SGPP2: variants seen among roughly 807,000 people sequenced by gnomAD.
SGPP2 encodes sphingosine 1-phosphate phosphohydrolase 2.
In SGPP2, 30 loss-of-function variants were observed where a neutral mutation model predicts 33.9. That is an observed-to-expected ratio of 0.89 (90% CI 0.66 to 1.20). The LOEUF is 1.20. SGPP2 is among the 50% of genes most tolerant of loss of function. The pLI is 0.00. For synonymous variants in SGPP2, 233 were observed against 225.0 expected, an observed-to-expected ratio of 1.04 and a Z score of -0.32; for missense variants, 458 against 532.1, an observed-to-expected ratio of 0.86 and a Z score of 1.37.
intron 2 of SGPP2, among the ~76,000 whole-genome samples, chr2:222,488,040 A>C (rs1279563713): frequency 6.6e-6 from 1 of 152,212 alleles, no homozygotes; most frequent in Non-Finnish European, 1.5e-5. Context: ...ATTCAGGTGC[A>C]TCAGCCTTAC....
At chr2:222,432,759 C>T (rs747626026) in intron 1 of SGPP2, among the ~76,000 whole-genome samples, 5 of 152,116 alleles carry the variant, frequency 3.3e-5, no homozygotes, top group Admixed American at 6.5e-5. Flanking sequence ...CGGTGGCTCA[C>T]GCCTGTAATC....
At chr2:222,536,056 T>C (rs1698911103) in intron 4 of SGPP2, among the ~76,000 whole-genome samples, 1 of 152,182 alleles carries the variant, frequency 6.6e-6, no homozygotes, top group African/African-American at 2.4e-5. Context: ...TCTAGGTGAG[T>C]TCCAGTTTCG....
intron 1 of SGPP2, among the ~76,000 whole-genome samples, chr2:222,459,258 C>T (rs1413561952): frequency 6.6e-6 from 1 of 150,994 alleles, no homozygotes; most frequent in Non-Finnish European, 1.5e-5. Flanking sequence ...GTGATCCTCC[C>T]ACCCCAACCT....
intron 4 of SGPP2, among the ~76,000 whole-genome samples, chr2:222,532,745 A>G (rs748998689): frequency 1.3e-5 from 2 of 152,176 alleles, no homozygotes; most frequent in Non-Finnish European, 2.9e-5. Flanking sequence ...CCATGCATGG[A>G]GAAGTTTCTC....
At chr2:222,532,193 G>C (rs1698848890) in intron 4 of SGPP2, among the ~76,000 whole-genome samples, 1 of 152,068 alleles carries the variant, frequency 6.6e-6, no homozygotes, top group South Asian at 2.1e-4. Flanking sequence ...AGAATCACTT[G>C]AACCTGGGAG....
intron 1 of SGPP2, among the ~76,000 whole-genome samples, chr2:222,451,160 C>T (rs1247406005): frequency 1.4e-5 from 2 of 143,086 alleles, no homozygotes; most frequent in Non-Finnish European, 3.0e-5. Context: ...AAAAAAACTG[C>T]AATCAGAGAT....
chr2:222,469,160 G>A (rs1394952100), intron 1 of SGPP2, among the ~76,000 whole-genome samples: 1 of 152,208 alleles, frequency 6.6e-6, no homozygotes, highest in Non-Finnish European at 1.5e-5. Flanking sequence ...CTGTGTGACA[G>A]ATGAGATGCA....
At chr2:222,498,425 T>G (rs916167329) in intron 2 of SGPP2, 6 of 152,122 alleles carry the variant, frequency 3.9e-5, no homozygotes. Flanking sequence ...TCTGGGACAT[T>G]TGAAGAAGCC....
intron 2 of SGPP2, among the ~76,000 whole-genome samples, chr2:222,487,936 C>A (rs928299468): frequency 4.6e-5 from 7 of 152,186 alleles, no homozygotes; most frequent in Admixed American, 4.6e-4. Flanking sequence ...ACAACCCATA[C>A]TCCACAGGAC....
At chr2:222,471,076 A>G (rs1697832527) in intron 1 of SGPP2, among the ~76,000 whole-genome samples, 1 of 152,222 alleles carries the variant, frequency 6.6e-6, no homozygotes, top group South Asian at 2.1e-4. Flanking sequence ...TTTAGGATGA[A>G]TGTATTGCCA....
chr2:222,490,335 C>A (rs1698177557), intron 2 of SGPP2, among the ~76,000 whole-genome samples: 1 of 152,164 alleles, frequency 6.6e-6, no homozygotes, highest in African/African-American at 2.4e-5. Context: ...GCACTCAAAT[C>A]AAAACCCAGG....
At chr2:222,486,612 C>T (rs976834234) in intron 2 of SGPP2, among the ~76,000 whole-genome samples, 1 of 152,140 alleles carries the variant, frequency 6.6e-6, no homozygotes, top group Non-Finnish European at 1.5e-5. Context: ...TGACTACATG[C>T]TAGATGCGGG....
At chr2:222,538,086 G>C (rs931502302) in intron 4 of SGPP2, among the ~76,000 whole-genome samples, 1 of 152,192 alleles carries the variant, frequency 6.6e-6, no homozygotes, top group Admixed American at 6.5e-5. Context: ...GCTAAATACT[G>C]TTTAATTTCT....
intron 2 of SGPP2, among the ~76,000 whole-genome samples, chr2:222,475,204 G>A (rs1031367327): frequency 6.6e-6 from 1 of 152,074 alleles, no homozygotes; most frequent in African/African-American, 2.4e-5. Flanking sequence ...CAAGTAGCTG[G>A]GACTACAGAT....
intron 1 of SGPP2, among the ~76,000 whole-genome samples, chr2:222,461,053 G>C (rs551693253): frequency 2.0e-5 from 3 of 152,212 alleles, no homozygotes; most frequent in African/African-American, 7.2e-5. Flanking sequence ...ACCACATTCG[G>C]CTGTTTTTCG....
At chr2:222,443,029 T>C (rs959196157) in intron 1 of SGPP2, among the ~76,000 whole-genome samples, 2 of 152,178 alleles carry the variant, frequency 1.3e-5, no homozygotes, top group African/African-American at 4.8e-5. Flanking sequence ...GTGACCTTTA[T>C]AAAATACCCA....
chr2:222,442,725 G>A (rs1460561205), intron 1 of SGPP2, among the ~76,000 whole-genome samples: 1 of 152,186 alleles, frequency 6.6e-6, no homozygotes, highest in African/African-American at 2.4e-5. Flanking sequence ...TTTTTGCAAT[G>A]TGTTTCTGTA....
intron 2 of SGPP2, among the ~76,000 whole-genome samples, chr2:222,497,250 C>CTT (rs57363978): frequency 0.013 from 1,584 of 118,536 alleles, 33 homozygotes; most frequent in African/African-American, 0.025. Context: ...TCTCTTTCTT[C>CTT]TTTTTTTTTT....
rs1441369065 is a variant in SGPP2 at position 222,550,216 on chromosome 2, G to T, written c.649-8131G>T. On this transcript the variant is annotated intron_variant, in intron 4 of 4. Coordinates refer to ENST00000321276, the MANE Select transcript of SGPP2 (RefSeq NM_152386.4). This position sits in a 1 kb window ranked among gnomAD's most constrained non-coding sequence, Gnocchi z 4.5. The stretch of plus-strand genomic sequence containing the variant: ...TTTAAAAGTTACTTGGATCATGGAG[G>T]AATGGTATATTGCTTATCATATAGA... Among the ~76,000 whole-genome samples, 1 of 152,126 alleles carries T rather than the reference G, an allele frequency of 6.6e-6. No homozygotes were observed. Among genetic ancestry groups the T allele is most frequent in the African/African-American group, 2.4e-5 (1 of 41,428 alleles).
Sources: allele counts gnomAD v4.1 joint callset (sites outside exome capture counted in the v4.1 genomes callset), GRCh38; gene constraint gnomAD v4.1.1; non-coding constraint Gnocchi (gnomAD v3.1); transcripts MANE v1.5; gene names NCBI Gene and HGNC (gene_info 2026-07-23, HGNC 2026-07-21).